Variants in SGCZ observed in about 807,000 individuals in gnomAD.
SGCZ encodes the protein zeta-sarcoglycan.
Under a neutral mutation model 41.3 loss-of-function variants are expected in SGCZ, and 40 were observed. That is an observed-to-expected ratio of 0.97 (90% CI 0.75 to 1.26). The LOEUF (loss-of-function observed/expected upper bound fraction) is 1.26. Ranked by LOEUF, SGCZ falls within the 50% of genes most tolerant of loss-of-function variation. SGCZ has a pLI of 0.00. For missense variants in SGCZ, 552 were observed against 369.8 expected (o/e 1.49, Z -4.04); for synonymous variants, 206 against 137.5 (o/e 1.50, Z -3.49).
intron 1 of SGCZ, among the ~76,000 whole-genome samples, chr8:14,819,470 T>G (rs530616326): frequency 6.6e-6 from 1 of 152,172 alleles, no homozygotes; most frequent in African/African-American, 2.4e-5. Flanking sequence ...ACTGGCCTTA[T>G]AGGGAACACT....
At chr8:14,721,067 A>G (rs1263326826) in intron 1 of SGCZ, among the ~76,000 whole-genome samples, 1 of 151,748 alleles carries the variant, frequency 6.6e-6, no homozygotes, top group Admixed American at 6.6e-5. Context: ...CCAGGGTGCC[A>G]CTCTTGGATT....
intron 1 of SGCZ, among the ~76,000 whole-genome samples, chr8:14,820,254 A>C (rs902153769): frequency 2.0e-5 from 3 of 152,084 alleles, no homozygotes; most frequent in African/African-American, 7.2e-5. Context: ...ACTTTAAGTC[A>C]GAGACTGAAG....
At chr8:14,566,872 T>C (rs7000533) in intron 1 of SGCZ, among the ~76,000 whole-genome samples, 142,432 of 152,178 alleles carry the variant, frequency 0.94, 66,719 homozygotes, top group Non-Finnish European at 0.95. Flanking sequence ...TGCGGGCCAG[T>C]GCGAGTTCCA....
intron 2 of SGCZ, among the ~76,000 whole-genome samples, chr8:14,481,232 A>G (rs1034717442): frequency 6.6e-6 from 1 of 152,206 alleles, no homozygotes; most frequent in African/African-American, 2.4e-5. Flanking sequence ...TGCTATTTCA[A>G]CACAGGGCAG....
At chr8:14,963,240 A>C (rs1376561197) in intron 1 of SGCZ, among the ~76,000 whole-genome samples, 1 of 152,222 alleles carries the variant, frequency 6.6e-6, no homozygotes, top group African/African-American at 2.4e-5. Context: ...TGCATGAGCA[A>C]ATGTATACAG....
At chr8:14,547,185 A>G (rs923557081) in intron 2 of SGCZ, among the ~76,000 whole-genome samples, 8 of 152,210 alleles carry the variant, frequency 5.3e-5, no homozygotes, top group Admixed American at 5.2e-4. Flanking sequence ...TCATTAAAGA[A>G]ACTCAGCATA....
chr8:14,705,169 G>A (rs1809294662), intron 1 of SGCZ, among the ~76,000 whole-genome samples: 1 of 151,790 alleles, frequency 6.6e-6, no homozygotes. Context: ...CTCATAACAA[G>A]AACAAAAGCA....
chr8:14,525,188 A>T (rs1802909511), intron 2 of SGCZ, among the ~76,000 whole-genome samples: 1 of 110,872 alleles, frequency 9.0e-6, no homozygotes, highest in African/African-American at 2.6e-5. Flanking sequence ...AGATAGATAG[A>T]TAGATAGACA....
At chr8:14,187,150 A>T (rs1252222641) in intron 4 of SGCZ, among the ~76,000 whole-genome samples, 1 of 152,206 alleles carries the variant, frequency 6.6e-6, no homozygotes, top group East Asian at 1.9e-4. Flanking sequence ...GAGGCAAAGG[A>T]TAAAAACAGA....
intron 3 of SGCZ, among the ~76,000 whole-genome samples, chr8:14,263,724 C>G (rs1402307878): frequency 6.6e-6 from 1 of 152,022 alleles, no homozygotes; most frequent in Admixed American, 6.6e-5. Context: ...CTTAAAATAC[C>G]AGGTGAGAGG....
At chr8:15,011,048 A>AT (rs376033849) in intron 1 of SGCZ, among the ~76,000 whole-genome samples, 80 of 152,188 alleles carry the variant, frequency 5.3e-4, no homozygotes, top group African/African-American at 1.9e-3. Context: ...AGTTTTTGCA[A>AT]TTTTTTCTTT....
At chr8:14,099,098 G>A (rs1801932465) in intron 7 of SGCZ, among the ~76,000 whole-genome samples, 1 of 152,150 alleles carries the variant, frequency 6.6e-6, no homozygotes, top group Non-Finnish European at 1.5e-5. Flanking sequence ...GCTTGAGATA[G>A]AGGTATAAGT....
intron 1 of SGCZ, among the ~76,000 whole-genome samples, chr8:14,560,744 A>T (rs769293314): frequency 1.4e-4 from 22 of 152,176 alleles, no homozygotes; most frequent in Non-Finnish European, 2.5e-4. Context: ...GTCTTTCAGC[A>T]ATAAGATTGA....
intron 1 of SGCZ, among the ~76,000 whole-genome samples, chr8:14,947,042 T>C (rs1290491826): frequency 6.6e-6 from 1 of 152,040 alleles, no homozygotes; most frequent in East Asian, 1.9e-4. Context: ...AAAAAATCTT[T>C]GTATTTCTTT....
chr8:14,984,215 T>C (rs1469786107), intron 1 of SGCZ, among the ~76,000 whole-genome samples: 2 of 152,180 alleles, frequency 1.3e-5, no homozygotes, highest in Non-Finnish European at 2.9e-5. Context: ...TCTCAAATTA[T>C]TTTGAAGTAA....
At chr8:14,971,108 A>G (rs1801281385) in intron 1 of SGCZ, among the ~76,000 whole-genome samples, 1 of 152,112 alleles carries the variant, frequency 6.6e-6, no homozygotes, top group Admixed American at 6.5e-5. Context: ...TTGATTCTGT[A>G]TATCGATTTT....
chr8:15,099,478 A>T (rs1386400881), intron 1 of SGCZ, among the ~76,000 whole-genome samples: 1 of 152,180 alleles, frequency 6.6e-6, no homozygotes, highest in East Asian at 1.9e-4. Flanking sequence ...TAGCTTCCCC[A>T]AAATGGAAAG....
At chr8:14,509,759 T>C (rs546660184) in intron 2 of SGCZ, among the ~76,000 whole-genome samples, 1 of 152,218 alleles carries the variant, frequency 6.6e-6, no homozygotes, top group South Asian at 2.1e-4. Context: ...CAGTTCCTCA[T>C]GACTTGGGAG....
chr8:15,122,614 G>A (rs900051500), intron 1 of SGCZ, among the ~76,000 whole-genome samples: 1 of 152,150 alleles, frequency 6.6e-6, no homozygotes, highest in Non-Finnish European at 1.5e-5. Flanking sequence ...CACGTTAACT[G>A]AATGCCCAGC....
Sources: gnomAD v4.1 joint callset for allele counts (sites outside exome capture counted in the v4.1 genomes callset) on GRCh38, gnomAD v4.1.1 for gene constraint, MANE v1.5 for transcripts, NCBI Gene and HGNC (gene_info 2026-07-23, HGNC 2026-07-21) for gene names.